The following MARCHF1 variants were observed in gnomAD, a reference collection of about 807,000 sequenced individuals.
MARCHF1 encodes E3 ubiquitin-protein ligase MARCHF1.
In MARCHF1, 40 loss-of-function variants were observed where a neutral mutation model predicts 54.2. The ratio of observed to expected loss-of-function variants is 0.74; its 90% CI spans 0.57 to 0.96. The LOEUF (loss-of-function observed/expected upper bound fraction) is 0.96. Ranked by LOEUF, MARCHF1 falls within the 40% of genes least tolerant of loss-of-function variation. MARCHF1 has a pLI of 0.00. For synonymous variants in MARCHF1, 236 were observed against 236.3 expected, an observed-to-expected ratio of 1.00 and a Z score of 0.01; for missense variants, 586 against 656.5, an observed-to-expected ratio of 0.89 and a Z score of 1.17.
intron 1 of MARCHF1, among the ~76,000 whole-genome samples, chr4:164,114,443 ATTCAAAAATAAG>A (rs1338231120): frequency 6.6e-6 from 1 of 151,828 alleles, no homozygotes; most frequent in Non-Finnish European, 1.5e-5. Flanking sequence ...CCCATTAATA[ATTCAAAAATAAG>A]TATTAATGAA....
chr4:164,152,124 T>C (rs1031997004), intron 1 of MARCHF1, among the ~76,000 whole-genome samples: 11 of 152,148 alleles, frequency 7.2e-5, no homozygotes, highest in African/African-American at 1.9e-4. Flanking sequence ...TGGGGGACGA[T>C]AGAAAATAAA....
At chr4:164,109,929 A>AAAAAAAAAAAAAAAAAC in intron 2 of MARCHF1, among the ~76,000 whole-genome samples, 1 of 149,704 alleles carries the variant, frequency 6.7e-6, no homozygotes, top group Non-Finnish European at 1.5e-5. Flanking sequence ...AAAAAAAAAA[A>AAAAAAAAAAAAAAAAAC]AAAAAAAGAA....
At chr4:163,757,714 AG>A (rs1297095989) in intron 4 of MARCHF1, among the ~76,000 whole-genome samples, 1 of 152,198 alleles carries the variant, frequency 6.6e-6, no homozygotes, top group Non-Finnish European at 1.5e-5. Context: ...AATGAATTTA[AG>A]GGTTCTGTTG....
At chr4:163,934,381 A>G (rs1160416148) in intron 3 of MARCHF1, among the ~76,000 whole-genome samples, 1 of 151,536 alleles carries the variant, frequency 6.6e-6, no homozygotes, top group Non-Finnish European at 1.5e-5. Flanking sequence ...CAACATAGAA[A>G]TGCTTCATCT....
chr4:163,679,168 T>C (rs1744014495), intron 5 of MARCHF1, among the ~76,000 whole-genome samples: 3 of 152,186 alleles, frequency 2.0e-5, no homozygotes, highest in Admixed American at 2.0e-4. Flanking sequence ...TGCTAGAATG[T>C]TTTGGCAGAA....
rs115077189 is a variant in MARCHF1 at position 163,548,881 on chromosome 4, C to A, written c.1192-3138G>T. On this transcript the variant is annotated intron_variant, in intron 8 of 9. Transcript: ENST00000514618. Reference sequence around the variant, plus strand: ...TTTTAACAAAGCTGTCATGAAAGTGCCTTCAATTAATATTCATGATGCTGA... The same window carrying A: ...TTTTAACAAAGCTGTCATGAAAGTGACTTCAATTAATATTCATGATGCTGA... 1.3e-3 allele frequency among the ~76,000 whole-genome samples: 194 copies of A among 152,234 alleles called. 1 individual carries two copies. Among genetic ancestry groups the A allele is most frequent in the African/African-American group, 4.6e-3 (190 of 41,544 alleles).
At chr4:163,941,117 T>C (rs2110750405) in intron 3 of MARCHF1, among the ~76,000 whole-genome samples, 1 of 152,272 alleles carries the variant, frequency 6.6e-6, no homozygotes, top group Non-Finnish European at 1.5e-5. Flanking sequence ...AAACAGGCTA[T>C]GTATCCTTGA....
At chr4:163,767,043 A>G (rs1746997469) in intron 4 of MARCHF1, among the ~76,000 whole-genome samples, 1 of 151,168 alleles carries the variant, frequency 6.6e-6, no homozygotes, top group Non-Finnish European at 1.5e-5. Flanking sequence ...TAATTCCCAT[A>G]AAAATCTTCA....
chr4:164,155,974 T>G (rs1730066985), intron 1 of MARCHF1, among the ~76,000 whole-genome samples: 1 of 152,158 alleles, frequency 6.6e-6, no homozygotes, highest in South Asian at 2.1e-4. Context: ...AAATCATAAT[T>G]TTCGGGGGAA....
At chr4:164,072,300 A>T (rs1170939898) in intron 2 of MARCHF1, among the ~76,000 whole-genome samples, 1 of 152,200 alleles carries the variant, frequency 6.6e-6, no homozygotes, top group African/African-American at 2.4e-5. Flanking sequence ...TTCTCTAGAA[A>T]CAAGACTAGG....
Position 163,642,350 on chromosome 4 carries a change from T to C in MARCHF1, c.163-28957A>G, listed in dbSNP as rs552962603. 5.6e-4 allele frequency among the ~76,000 whole-genome samples: 86 copies of C among 152,274 alleles called. 1 individual carries two copies. The highest frequency in any genetic ancestry group is 1.6e-3 in the Admixed American group (25 of 15,284). ...TTATTAACATAAATTTTCTTTAAGT[T>C]CCCCCTGATTTTAACAGTCAGTGTT... On this transcript the variant is annotated intron_variant, in intron 5 of 9. Transcript: ENST00000514618.
At chr4:164,344,489 T>TGTGTGA (rs200211561) in intron 1 of MARCHF1, among the ~76,000 whole-genome samples, 1 of 151,784 alleles carries the variant, frequency 6.6e-6, no homozygotes, top group Non-Finnish European at 1.5e-5. Context: ...TGTGTGTGTG[T>TGTGTGA]TTTGGTCAGC....
chr4:164,076,508 C>G (rs1359754198), intron 2 of MARCHF1, among the ~76,000 whole-genome samples: 2 of 152,180 alleles, frequency 1.3e-5, no homozygotes, highest in Admixed American at 1.3e-4. Flanking sequence ...CTCACCACTC[C>G]TATTCAACAT....
At position 164,111,611 on chromosome 4, in the gene MARCHF1, C is replaced by A. The variant is rs533148299; in HGVS notation, c.-271G>T. ...ACAAAATACAGCAGTCTTGTTTAAT[C>A]ACAGCAGGACAGTTGAGTATATTCT... is the stretch of plus-strand genomic sequence containing the variant. On this transcript the variant is annotated 5_prime_UTR_variant, in exon 2 of 10. Coordinates refer to ENST00000514618, the MANE Select transcript of MARCHF1 (RefSeq NM_001394959.1). 3.3e-5 allele frequency: 5 copies of A among 151,674 alleles called. No individual in the cohort carries two copies. The highest frequency in any genetic ancestry group is 9.7e-5 in the African/African-American group (4 of 41,422). 9.4% of individuals were successfully genotyped at this position (151,674 alleles called of 1,614,324 possible).
chr4:163,709,507 CA>C (rs1745044728), intron 4 of MARCHF1, among the ~76,000 whole-genome samples: 1 of 152,032 alleles, frequency 6.6e-6, no homozygotes, highest in Non-Finnish European at 1.5e-5. Flanking sequence ...CTCTGAAAAA[CA>C]AAAATGGCAA....
At chr4:164,335,524 GTGAGCCGAGAT>G (rs1464597518) in intron 1 of MARCHF1, among the ~76,000 whole-genome samples, 1 of 151,522 alleles carries the variant, frequency 6.6e-6, no homozygotes, top group African/African-American at 2.4e-5. Flanking sequence ...GGAGCTTGCA[GTGAGCCGAGAT>G]TGTGCCACTG....
chr4:163,699,221 G>A (rs1348816562), intron 5 of MARCHF1, among the ~76,000 whole-genome samples: 3 of 152,106 alleles, frequency 2.0e-5, no homozygotes, highest in African/African-American at 7.2e-5. Context: ...CTATGTGTCT[G>A]TCACATCTCT....
At chr4:164,172,980 C>CAAAAAAAAAAAA (rs35995273) in intron 1 of MARCHF1, among the ~76,000 whole-genome samples, 1 of 127,760 alleles carries the variant, frequency 7.8e-6, no homozygotes, top group African/African-American at 3.2e-5. Context: ...GACTCCGTCT[C>CAAAAAAAAAAAA]AAAAAAAAAA....
chr4:164,378,834 C>T (rs1731276733), intron 1 of MARCHF1, among the ~76,000 whole-genome samples: 2 of 152,186 alleles, frequency 1.3e-5, no homozygotes. Context: ...GCCTCAGCCT[C>T]CCAAGTAGCT....
Sources: allele counts gnomAD v4.1 joint callset (sites outside exome capture counted in the v4.1 genomes callset), GRCh38; gene constraint gnomAD v4.1.1; transcripts MANE v1.5; gene names NCBI Gene and HGNC (gene_info 2026-07-23, HGNC 2026-07-21).